The following GRIA4 variants were observed in gnomAD, a reference collection of about 807,000 sequenced individuals.
The protein encoded by GRIA4 is glutamate ionotropic receptor AMPA type subunit 4.
A neutral mutation model predicts 104.0 loss-of-function variants in GRIA4; 34 were observed. The ratio of observed to expected loss-of-function variants is 0.33; its 90% CI spans 0.25 to 0.44. The LOEUF (loss-of-function observed/expected upper bound fraction) is 0.44. Ranked by LOEUF, GRIA4 falls within the 20% of genes least tolerant of loss-of-function variation. GRIA4 has a pLI of 1.00. For synonymous variants in GRIA4, 386 were observed against 381.9 expected, an observed-to-expected ratio of 1.01 and a Z score of -0.13; for missense variants, 750 against 1,096.5, an observed-to-expected ratio of 0.68 and a Z score of 4.46.
intron 7 of GRIA4, among the ~76,000 whole-genome samples, chr11:105,900,646 T>C (rs1451511106): frequency 1.3e-5 from 2 of 152,160 alleles, no homozygotes; most frequent in Non-Finnish European, 2.9e-5. Flanking sequence ...GAGTGCAGTG[T>C]CGCGATCTCG....
chr11:105,956,335 A>T (rs1319821772), intron 14 of GRIA4, among the ~76,000 whole-genome samples: 1 of 151,668 alleles, frequency 6.6e-6, no homozygotes, highest in Non-Finnish European at 1.5e-5. Context: ...TTCAATTCCC[A>T]CCTATGAGTG....
intron 6 of GRIA4, among the ~76,000 whole-genome samples, chr11:105,897,412 C>A (rs1946688999): frequency 6.6e-6 from 1 of 151,662 alleles, no homozygotes; most frequent in Non-Finnish European, 1.5e-5. Flanking sequence ...TTTCTCTTTT[C>A]TGATTTTTCT....
At chr11:105,893,844 A>T (rs752930630) in intron 6 of GRIA4, among the ~76,000 whole-genome samples, 2 of 152,162 alleles carry the variant, frequency 1.3e-5, no homozygotes, top group Non-Finnish European at 2.9e-5. Flanking sequence ...TCTGCCGTAT[A>T]CTCTGATAGA....
intron 14 of GRIA4, among the ~76,000 whole-genome samples, chr11:105,947,755 T>C (rs886107002): frequency 1.3e-5 from 2 of 152,238 alleles, no homozygotes; most frequent in Admixed American, 6.5e-5. Flanking sequence ...TGTTCCAGTA[T>C]TAACACCAAT....
intron 4 of GRIA4, among the ~76,000 whole-genome samples, chr11:105,839,832 T>C (rs1192804815): frequency 1.3e-5 from 2 of 152,166 alleles, no homozygotes; most frequent in Non-Finnish European, 2.9e-5. Flanking sequence ...TAATTAATTA[T>C]AATAGCTTTG....
At chr11:105,649,625 A>G (rs1951629780) in intron 3 of GRIA4, among the ~76,000 whole-genome samples, 1 of 152,168 alleles carries the variant, frequency 6.6e-6, no homozygotes, top group Non-Finnish European at 1.5e-5. Context: ...ATAACAAATT[A>G]GTAATTCTTT....
intron 5 of GRIA4, among the ~76,000 whole-genome samples, chr11:105,878,001 G>T (rs1565309811): frequency 6.6e-6 from 1 of 152,042 alleles, no homozygotes. Flanking sequence ...TCTGGTTTTT[G>T]GAATTTTCAG....
At chr11:105,652,727 G>A (rs1951718700) in intron 3 of GRIA4, among the ~76,000 whole-genome samples, 1 of 152,032 alleles carries the variant, frequency 6.6e-6, no homozygotes, top group African/African-American at 2.4e-5. Flanking sequence ...CTACACCATA[G>A]TATCCCCTTA....
chr11:105,615,846 AC>A (rs1950586091), intron 3 of GRIA4, among the ~76,000 whole-genome samples: 1 of 151,746 alleles, frequency 6.6e-6, no homozygotes, highest in African/African-American at 2.4e-5. Context: ...GTTCAGTTTG[AC>A]CAAGAGTAAT....
chr11:105,893,769 A>G (rs1353955847), intron 6 of GRIA4, among the ~76,000 whole-genome samples: 1 of 152,198 alleles, frequency 6.6e-6, no homozygotes, highest in Non-Finnish European at 1.5e-5. Context: ...TCAATTAGCA[A>G]CTAATGCAAT....
At chr11:105,925,640 T>C (rs1415327650) in intron 12 of GRIA4, among the ~76,000 whole-genome samples, 4 of 152,094 alleles carry the variant, frequency 2.6e-5, no homozygotes, top group African/African-American at 9.7e-5. Flanking sequence ...ATGTTTAAAT[T>C]CCAATAACAT....
intron 3 of GRIA4, among the ~76,000 whole-genome samples, chr11:105,634,520 GAAAGAAAGA>G (rs376606508): frequency 0.24 from 21,525 of 88,776 alleles, 2,128 homozygotes; most frequent in Non-Finnish European, 0.32. Flanking sequence ...AAAGAAGAAA[GAAAGAAAGA>G]AAAGAAAGAA....
In GRIA4 at chr11:105,823,987, A is replaced by C. The variant is rs566703933; in HGVS notation, c.488-38037A>C. On this transcript the variant is annotated intron_variant, in intron 4 of 16. Transcript: ENST00000282499. Reference sequence around the variant, plus strand: ...ACAGAGACACCAGTGGTGCATGTGCACAAAGGAGAGACCATGTGAGGATGG... The same window carrying C: ...ACAGAGACACCAGTGGTGCATGTGCCCAAAGGAGAGACCATGTGAGGATGG... 3.3e-5 allele frequency among the ~76,000 whole-genome samples: 5 copies of C among 152,258 alleles called. No homozygotes were observed. In the South Asian group the frequency reaches 8.3e-4, roughly 25 times the overall value.
At position 105,835,208 on chromosome 11, in the gene GRIA4, A is replaced by T. The variant is rs541294198; in HGVS notation, c.488-26816A>T. ...TTGAAACAGTAGAAAGAAAAAATTA[A>T]TTATATTGCCAACTTGTAAGTAGAG... is the stretch of plus-strand genomic sequence containing the variant. On this transcript the variant is annotated intron_variant, in intron 4 of 16. Coordinates refer to ENST00000282499, the MANE Select transcript of GRIA4 (RefSeq NM_000829.4). Among the ~76,000 whole-genome samples the T allele has an allele frequency of 6.6e-5, 10 of 152,096 alleles. No individual in the cohort carries two copies. The East Asian group carries it at 1.9e-3, about 29-fold the overall frequency.
intron 3 of GRIA4, among the ~76,000 whole-genome samples, chr11:105,674,686 G>A (rs988778209): frequency 6.6e-6 from 1 of 151,814 alleles, no homozygotes. Flanking sequence ...TATTATTATA[G>A]TTATTACTAC....
intron 3 of GRIA4, among the ~76,000 whole-genome samples, chr11:105,693,401 G>A (rs189844717): frequency 3.9e-5 from 6 of 152,218 alleles, no homozygotes; most frequent in East Asian, 3.9e-4. Flanking sequence ...ATCTCTAGCA[G>A]TGGTTTCGAT....
rs1334771360 is a variant in GRIA4 at position 105,924,561 on chromosome 11, AT to A, written c.1642del (p.Trp548GlyfsTer4). 1 of 1,613,108 alleles carries A rather than the reference AT, an allele frequency of 6.2e-7. No homozygotes were observed. The highest frequency in any genetic ancestry group is 8.5e-7 in the Non-Finnish European group (1 of 1,179,328). On this transcript the variant is annotated frameshift_variant, in exon 12 of 17. Coordinates refer to ENST00000282499, the MANE Select transcript of GRIA4 (RefSeq NM_000829.4). LOFTEE classifies it high-confidence loss of function. Reference protein sequence around the residue: ...FSFLDPLAYEIWMCIVFAYIG... With the variant: ...FSFLDPLAYEXWMCIVFAYIG... ...CTTCTTGGATCCTCTGGCCTATGAG[AT>A]TTGGATGTGCATAGTCTTTGCCTAC...
chr11:105,688,680 C>T (rs1312319082), intron 3 of GRIA4, among the ~76,000 whole-genome samples: 1 of 152,132 alleles, frequency 6.6e-6, no homozygotes, highest in Admixed American at 6.5e-5. Flanking sequence ...GTGATGCAGA[C>T]ATAAGGGTTA....
chr11:105,836,548 T>C (rs1944195397), intron 4 of GRIA4, among the ~76,000 whole-genome samples: 1 of 152,126 alleles, frequency 6.6e-6, no homozygotes, highest in Non-Finnish European at 1.5e-5. Flanking sequence ...TTATGTACAC[T>C]TTCCTCCCCT....
Sources: gnomAD v4.1 joint callset for allele counts (sites outside exome capture counted in the v4.1 genomes callset) on GRCh38, gnomAD v4.1.1 for gene constraint, MANE v1.5 for transcripts, NCBI Gene and HGNC (gene_info 2026-07-23, HGNC 2026-07-21) for gene names.